PTOV1: variants seen among roughly 807,000 people sequenced by gnomAD.
PTOV1 encodes the protein prostate tumor-overexpressed gene 1 protein.
Under a neutral mutation model 58.0 loss-of-function variants are expected in PTOV1, and 20 were observed. The ratio of observed to expected loss-of-function variants is 0.34; its 90% CI spans 0.24 to 0.50. The LOEUF (loss-of-function observed/expected upper bound fraction) is 0.50. Ranked by LOEUF, PTOV1 falls within the 20% of genes least tolerant of loss-of-function variation. The pLI is 0.98. For missense variants in PTOV1, 593 were observed against 565.4 expected (o/e 1.05, Z -0.50); for synonymous variants, 335 against 234.2 (o/e 1.43, Z -3.93).
intron 5 of PTOV1, chr19:49,856,667 C>A (rs991721215): frequency 2.6e-6 from 1 of 385,578 alleles, no homozygotes; most frequent in Non-Finnish European, 4.8e-6. Flanking sequence ...GGCCAAGTCA[C>A]CCCATCAGGC....
chr19:49,851,449 C>G (rs1468120060), exon 1 of PTOV1: 4 of 1,221,026 alleles, frequency 3.3e-6, no homozygotes, highest in Middle Eastern at 3.1e-4. Flanking sequence ...GCCTGCCAGC[C>G]CCCGAGGCCC....
intron 10 of PTOV1, 135 bp downstream of exon 10, chr19:49,858,788 G>C: frequency 1.3e-6 from 1 of 750,046 alleles, no homozygotes; most frequent in East Asian, 2.7e-5. Flanking sequence ...GGCTAGTGTG[G>C]GCGTGACTTC....
At position 49,857,402 on chromosome 19, in the gene PTOV1, G is replaced by C. The variant is rs532453187; in HGVS notation, c.714+272G>C. 639 of 608,378 alleles carry C rather than the reference G, an allele frequency of 1.1e-3. 1 individual carries two copies. The highest frequency in any genetic ancestry group is 1.7e-3 in the Non-Finnish European group (593 of 345,682). The allele number at this position is 608,378 out of a possible 1,614,324, so 37.7% of individuals were successfully genotyped here. ...TGGGCAGGGGTTGGGATCGTCCTGC[G>C]GCTGGAAGGCCCTGCCTGGTAACCA... On this transcript the variant is annotated intron_variant, in intron 6 of 11. Coordinates refer to ENST00000391842, the Ensembl canonical transcript of PTOV1.
intron 1 of PTOV1, among the ~76,000 whole-genome samples, chr19:49,854,198 G>A (rs965724286): frequency 6.6e-6 from 1 of 152,224 alleles, no homozygotes; most frequent in Non-Finnish European, 1.5e-5. Context: ...GGGAAGGAAG[G>A]GTCCTGAGGG....
intron 5 of PTOV1, chr19:49,856,592 G>C (rs1600382913): frequency 4.4e-6 from 1 of 225,822 alleles, no homozygotes; most frequent in East Asian, 1.1e-4. Flanking sequence ...GGAGGTGGCT[G>C]GTGTTAGGTC....
chr19:49,851,380 G>C lies in PTOV1; in HGVS notation c.52G>C (p.Gly18Arg). 8.7e-7 allele frequency: 1 copy of C among 1,145,924 alleles called. No individual in the cohort carries two copies. The highest frequency in any genetic ancestry group is 5.0e-5 in the Admixed American group (1 of 20,134). The allele number at this position is 1,145,924 out of a possible 1,614,324, so 71.0% of individuals were successfully genotyped here. A position where few individuals can be genotyped will look rare whatever the true frequency, so the allele number is the denominator to read the frequency against. ...CCGCTCCGGCGCCGGGGGCCCCCTC[G>C]GGGGTCGCGGCCGCCCTCCGCGGCC... is the stretch of plus-strand genomic sequence containing the variant. Residue 18 changes from glycine to arginine, a missense_variant, in exon 1 of 12, where the codon GGG becomes CGG. Coordinates refer to ENST00000391842, the Ensembl canonical transcript of PTOV1.
chr19:49,858,700 C>G (rs950554604), intron 10 of PTOV1, 47 bp downstream of exon 10: 3 of 1,469,702 alleles, frequency 2.0e-6, no homozygotes, highest in African/African-American at 1.4e-5. Context: ...CAGGGCAGAG[C>G]GAGCCCGGAC....
intron 2 of PTOV1, 31 bp downstream of exon 2, chr19:49,854,574 C>T (rs901784650): frequency 6.2e-7 from 1 of 1,612,488 alleles, no homozygotes; most frequent in Non-Finnish European, 8.5e-7. Context: ...GGCTGGCCTC[C>T]AGGGTCTTGT....
At chr19:49,851,892 A>T (rs1452070991) in intron 1 of PTOV1, 48 of 985,246 alleles carry the variant, frequency 4.9e-5, no homozygotes, top group Non-Finnish European at 5.8e-5. Context: ...GCGGCGAGGG[A>T]GGGGCCCGCG....
intron 11 of PTOV1, 37 bp from the exon 12 acceptor site, chr19:49,860,231 T>G: frequency 6.2e-7 from 1 of 1,613,772 alleles, no homozygotes; most frequent in South Asian, 1.1e-5. Context: ...CCACCCCCGC[T>G]GCCTGCTCAC....
intron 10 of PTOV1, 159 bp from the exon 11 acceptor site, chr19:49,859,827 C>G (rs2074668757): frequency 6.8e-6 from 5 of 738,000 alleles, no homozygotes; most frequent in Non-Finnish European, 1.1e-5. Flanking sequence ...GCCACCGTGT[C>G]ATCCCAATAA....
chr19:49,852,935 TG>T (rs2074309883), intron 1 of PTOV1: 1 of 152,210 alleles, frequency 6.6e-6, no homozygotes, highest in African/African-American at 2.4e-5. Context: ...GTATGGTGCC[TG>T]AAGCCCCCGG....
Position 49,857,734 on chromosome 19 carries a change from C to T in PTOV1, c.756C>T (p.Ile252=), listed in dbSNP as rs765976938. 34 of 1,614,142 alleles carry T rather than the reference C, an allele frequency of 2.1e-5. No homozygotes were observed. In the African/African-American group the frequency reaches 2.7e-4, roughly 13 times the overall value. ...GTGTCAACTCAGGCCCAGTCCAGAT[C>T]GTCAACAACAAGTTTCTGGCATGGA... Residue 252 remains isoleucine, a synonymous_variant, in exon 7 of 12, where the codon ATC becomes ATT. Transcript: ENST00000391842.
intron 1 of PTOV1, chr19:49,851,825 G>A (rs1046833059): frequency 2.9e-5 from 29 of 1,003,270 alleles, no homozygotes; most frequent in Non-Finnish European, 3.3e-5. Flanking sequence ...TTTCCTATTG[G>A]AGAGTTGCTC....
exon 7 of PTOV1, chr19:49,857,746 G>T (rs557409035): frequency 4.3e-6 from 7 of 1,614,088 alleles, no homozygotes; most frequent in Non-Finnish European, 5.9e-6. Context: ...TCAACAACAA[G>T]TTTCTGGCAT....
rs540745164 is a variant in PTOV1 at position 49,851,585 on chromosome 19, C to G, written c.171+86C>G. 1.7e-3 allele frequency: 1,722 copies of G among 1,029,384 alleles called. 3 individuals are homozygous for G. Among genetic ancestry groups the G allele is most frequent in the Non-Finnish European group, 2.0e-3 (1,629 of 823,936 alleles). The allele number at this position is 1,029,384 out of a possible 1,614,324, so 63.8% of individuals were successfully genotyped here. A position where few individuals can be genotyped will look rare whatever the true frequency, so the allele number is the denominator to read the frequency against. ...GGGCTCACGCCTTTGTCCGCAGCCC[C>G]CGCCGCTCCGGGGTGTCCCCTGTGG... On this transcript the variant is annotated intron_variant, in intron 1 of 11. Coordinates refer to ENST00000391842, the Ensembl canonical transcript of PTOV1.
At chr19:49,857,587 G>C in intron 6 of PTOV1, 106 bp from the exon 7 acceptor site, 1 of 1,038,764 alleles carries the variant, frequency 9.6e-7, no homozygotes, top group African/African-American at 1.6e-5. Context: ...GACCCAGCTG[G>C]GGCTAACAGG....
At chr19:49,854,284 G>A (rs1036919317) in intron 1 of PTOV1, 122 bp from the exon 2 acceptor site, 38 of 1,336,968 alleles carry the variant, frequency 2.8e-5, no homozygotes, top group Non-Finnish European at 3.6e-5. Flanking sequence ...ACATGGCCCC[G>A]TGGGCTTCCA....
chr19:49,851,983 A>G (rs1350595785), intron 1 of PTOV1: 5 of 985,212 alleles, frequency 5.1e-6, no homozygotes, highest in Non-Finnish European at 6.0e-6. Context: ...GTGCGCACCT[A>G]GAATACGCGC....
Sources: gnomAD v4.1 joint callset for allele counts (sites outside exome capture counted in the v4.1 genomes callset) on GRCh38, gnomAD v4.1.1 for gene constraint, MANE v1.5 for transcripts, NCBI Gene and HGNC (gene_info 2026-07-23, HGNC 2026-07-21) for gene names.